Variants in KANSL1L observed in about 807,000 individuals in gnomAD.
KANSL1L encodes the protein KAT8 regulatory NSL complex subunit 1-like protein.
Under a neutral mutation model 108.6 loss-of-function variants are expected in KANSL1L, and 25 were observed. The ratio of observed to expected loss-of-function variants is 0.23; its 90% CI spans 0.17 to 0.32. KANSL1L has a LOEUF of 0.32. Ranked by LOEUF, KANSL1L falls within the 10% of genes least tolerant of loss-of-function variation. The pLI is 1.00. For synonymous variants in KANSL1L, 405 were observed against 395.1 expected (o/e 1.03, Z -0.30); for missense variants, 1,137 against 1,125.7 (o/e 1.01, Z -0.14).
chr2:210,026,169 T>C (rs1217658632), intron 12 of KANSL1L, among the ~76,000 whole-genome samples: 2 of 152,152 alleles, frequency 1.3e-5, no homozygotes, highest in Non-Finnish European at 2.9e-5. Context: ...AAGAATACAT[T>C]AGAAGAGGAA....
At chr2:210,153,390 C>A in intron 2 of KANSL1L, 105 bp downstream of exon 2, 5 of 827,572 alleles carry the variant, frequency 6.0e-6, no homozygotes, top group Non-Finnish European at 9.4e-6. Context: ...AAGATTATAG[C>A]ATTAAGATTT....
At chr2:210,156,212 A>T (rs1305846585) in intron 1 of KANSL1L, among the ~76,000 whole-genome samples, 1 of 152,076 alleles carries the variant, frequency 6.6e-6, no homozygotes, top group Non-Finnish European at 1.5e-5. Flanking sequence ...AGATTAACAA[A>T]ACAAGAGCCT....
intron 6 of KANSL1L, among the ~76,000 whole-genome samples, chr2:210,074,579 T>C (rs879897413): frequency 6.6e-5 from 10 of 152,170 alleles, no homozygotes; most frequent in Admixed American, 5.9e-4. Flanking sequence ...AGTCTCGAAC[T>C]CTTGACCTCA....
At chr2:210,102,049 T>C (rs1052772846) in intron 4 of KANSL1L, among the ~76,000 whole-genome samples, 2 of 152,210 alleles carry the variant, frequency 1.3e-5, no homozygotes, top group Admixed American at 1.3e-4. Context: ...AAATAGGGGA[T>C]CTTTTCCCCA....
chr2:210,084,624 CT>C (rs2094620679), intron 5 of KANSL1L, among the ~76,000 whole-genome samples: 1 of 150,672 alleles, frequency 6.6e-6, no homozygotes, highest in South Asian at 2.1e-4. Context: ...TTTTTTCTCT[CT>C]CTTTTTTGAG....
At chr2:210,110,980 T>G (rs1445012271) in intron 3 of KANSL1L, among the ~76,000 whole-genome samples, 1 of 152,014 alleles carries the variant, frequency 6.6e-6, no homozygotes, top group Non-Finnish European at 1.5e-5. Flanking sequence ...GGTGCGCTGG[T>G]GCATTCTTGT....
At chr2:210,170,826 G>T (rs1467031015) in intron 1 of KANSL1L, among the ~76,000 whole-genome samples, 4 of 152,122 alleles carry the variant, frequency 2.6e-5, no homozygotes, top group Admixed American at 2.0e-4. Context: ...AAAACAAAAG[G>T]GAGGTCTGCC....
Position 210,040,468 on chromosome 2 carries a change from G to T in KANSL1L, c.1981C>A (p.Leu661Ile). The T allele has an allele frequency of 1.3e-6, 2 of 1,570,230 alleles. No individual in the cohort carries two copies. Among genetic ancestry groups the T allele is most frequent in the Non-Finnish European group, 1.7e-6 (2 of 1,146,700 alleles). The change falls in exon 8 of 15, where the codon CTT (leucine) becomes ATT (isoleucine). Residue 661 changes from leucine (L) to isoleucine (I), a missense_variant. Coordinates refer to ENST00000281772, the MANE Select transcript of KANSL1L (RefSeq NM_152519.4). ...TCATCTACAAATTTATTTTCAGCAAGATTGCCTTTTATTTCAGTCTTTTTT... is the reference window on the plus strand; with the variant it reads ...TCATCTACAAATTTATTTTCAGCAATATTGCCTTTTATTTCAGTCTTTTTT... The part of the protein sequence containing the change: ...LLKKTEIKGN[L>I]AENKFVDEYI...
intron 5 of KANSL1L, chr2:210,079,672 G>GTATATATATA (rs1343715938): frequency 7.8e-5 from 2 of 25,526 alleles, no homozygotes; most frequent in African/African-American, 2.5e-4. Flanking sequence ...ATATGTATGT[G>GTATATATATA]TGTATATATA....
chr2:210,083,416 C>G (rs1160602439), intron 5 of KANSL1L, among the ~76,000 whole-genome samples: 1 of 152,066 alleles, frequency 6.6e-6, no homozygotes, highest in Non-Finnish European at 1.5e-5. Flanking sequence ...GTTGGAAGTC[C>G]TTTGATGAAT....
chr2:210,040,225 TC>T (rs2094149280), intron 8 of KANSL1L, 194 bp downstream of exon 8: 2 of 466,344 alleles, frequency 4.3e-6, no homozygotes, highest in Non-Finnish European at 3.8e-6. Flanking sequence ...TAATTACAAT[TC>T]AATAGGTATC....
At chr2:210,121,997 T>G (rs1052723836) in intron 3 of KANSL1L, among the ~76,000 whole-genome samples, 4 of 152,078 alleles carry the variant, frequency 2.6e-5, no homozygotes, top group Admixed American at 2.6e-4. Context: ...AGTTCTCAAC[T>G]ATGAAACCTA....
intron 2 of KANSL1L, among the ~76,000 whole-genome samples, chr2:210,140,776 G>T (rs192462678): frequency 9.5e-4 from 144 of 152,232 alleles, no homozygotes; most frequent in African/African-American, 3.3e-3. Flanking sequence ...TCCAATCCGT[G>T]AACACAGGAT....
At chr2:210,085,496 T>C (rs1314150950) in intron 5 of KANSL1L, among the ~76,000 whole-genome samples, 1 of 152,138 alleles carries the variant, frequency 6.6e-6, no homozygotes, top group Non-Finnish European at 1.5e-5. Context: ...TACCTGATAA[T>C]TGAGACATAA....
chr2:210,103,317 TCA>T (rs1385343517), intron 4 of KANSL1L, among the ~76,000 whole-genome samples: 3 of 147,366 alleles, frequency 2.0e-5, no homozygotes, highest in African/African-American at 7.6e-5. Flanking sequence ...CCGGGGCCTG[TCA>T]TGGGGTGGGG....
chr2:210,154,490 T>C lies in KANSL1L; in HGVS notation c.93A>G (p.Glu31=), dbSNP rs1559610777. 1 of 1,610,906 alleles carries C rather than the reference T, an allele frequency of 6.2e-7. No individual in the cohort carries two copies. ...GCTTTTCATCTACAGTTCTGGGACT[T>C]TCCATGTAGAGCATCTTGTCAGACT... is the stretch of plus-strand genomic sequence containing the variant. ...TMESDKMLYM[E]SPRTVDEKLK... is the part of the protein sequence containing the mutation. Residue 31 remains glutamate, a synonymous_variant, in exon 2 of 15, where the codon GAA becomes GAG. Coordinates refer to ENST00000281772, the MANE Select transcript of KANSL1L (RefSeq NM_152519.4).
At chr2:210,109,190 T>C (rs1473204091) in intron 3 of KANSL1L, among the ~76,000 whole-genome samples, 1 of 152,166 alleles carries the variant, frequency 6.6e-6, no homozygotes, top group Non-Finnish European at 1.5e-5. Flanking sequence ...ACTTAAAGTA[T>C]AATTTTTTAA....
At chr2:210,134,212 T>A (rs1312697881) in intron 2 of KANSL1L, among the ~76,000 whole-genome samples, 1 of 152,154 alleles carries the variant, frequency 6.6e-6, no homozygotes, top group Non-Finnish European at 1.5e-5. Flanking sequence ...ATTTCAGATA[T>A]TTTTAGCTTC....
At chr2:210,169,910 G>T (rs1039041871) in intron 1 of KANSL1L, among the ~76,000 whole-genome samples, 1 of 152,076 alleles carries the variant, frequency 6.6e-6, no homozygotes, top group African/African-American at 2.4e-5. Context: ...TAGAGATTAG[G>T]AATCACTTTT....
Sources: gnomAD v4.1 joint callset for allele counts (sites outside exome capture counted in the v4.1 genomes callset) on GRCh38, gnomAD v4.1.1 for gene constraint, MANE v1.5 for transcripts, NCBI Gene and HGNC (gene_info 2026-07-23, HGNC 2026-07-21) for gene names.